Variants in STT3B observed in about 807,000 individuals in gnomAD.
STT3B encodes the protein STT3 oligosaccharyltransferase complex catalytic subunit B.
A neutral mutation model predicts 96.8 loss-of-function variants in STT3B; 29 were observed. The ratio of observed to expected loss-of-function variants is 0.30; its 90% confidence interval spans 0.22 to 0.41. The LOEUF is 0.41. Among genes scored for constraint, STT3B ranks in the 10% least tolerant of loss-of-function variants. The pLI is 1.00. For synonymous variants in STT3B, 367 were observed against 360.0 expected (o/e 1.02, Z -0.22); for missense variants, 640 against 1,022.3 (o/e 0.63, Z 5.10).
intron 2 of STT3B, 55 bp from the exon 3 acceptor site, chr3:31,579,754 A>G: frequency 7.3e-7 from 1 of 1,373,722 alleles, no homozygotes; most frequent in Non-Finnish European, 1.0e-6. Flanking sequence ...ACATACATTA[A>G]TATTTTTGTG....
At chr3:31,578,513 T>C (rs1698306473) in intron 2 of STT3B, among the ~76,000 whole-genome samples, 1 of 152,122 alleles carries the variant, frequency 6.6e-6, no homozygotes, top group South Asian at 2.1e-4. Context: ...TACCGTATTA[T>C]ATGGATATAT....
Position 31,636,207 on chromosome 3 carries a change from T to C in STT3B, c.*143T>C, listed in dbSNP as rs1359153905. The C allele has an allele frequency of 1.2e-4, 64 of 531,584 alleles. No individual in the cohort carries two copies. In the East Asian group the frequency reaches 2.1e-3, roughly 17 times the overall value. The allele number at this position is 531,584 out of a possible 1,614,324, so 32.9% of individuals were successfully genotyped here. A position where few individuals can be genotyped will look rare whatever the true frequency, so the allele number is the denominator to read the frequency against. On this transcript the variant is annotated 3_prime_UTR_variant, in exon 16 of 16. Coordinates refer to ENST00000295770, the MANE Select transcript of STT3B (RefSeq NM_178862.3). The stretch of plus-strand genomic sequence containing the variant: ...ATGTACAAAATTTTCTGGCAATGCC[T>C]GATTAAAAAAATAAAATTGGCTTGT...
intron 1 of STT3B, among the ~76,000 whole-genome samples, chr3:31,547,156 C>T (rs1197574559): frequency 6.6e-6 from 1 of 152,118 alleles, no homozygotes; most frequent in Non-Finnish European, 1.5e-5. Context: ...ACAGAGTAGG[C>T]AGTAAGTTCA....
chr3:31,599,963 A>T (rs1470479467), intron 4 of STT3B, among the ~76,000 whole-genome samples: 1 of 152,148 alleles, frequency 6.6e-6, no homozygotes, highest in African/African-American at 2.4e-5. Context: ...GACCTTTCTT[A>T]CAACAAATTT....
At chr3:31,582,976 A>C (rs1698444857) in intron 3 of STT3B, among the ~76,000 whole-genome samples, 1 of 152,198 alleles carries the variant, frequency 6.6e-6, no homozygotes, top group South Asian at 2.1e-4. Flanking sequence ...TCTGTCCTGG[A>C]AAATGTCCCA....
At position 31,633,498 on chromosome 3, in the gene STT3B, T is replaced by C. The variant is rs115024251; in HGVS notation, c.2400+351T>C. Among the ~76,000 whole-genome samples the C allele has an allele frequency of 1.2e-3, 187 of 152,320 alleles. 2 individuals carry two copies. Among genetic ancestry groups the C allele is most frequent in the Middle Eastern group, 6.8e-3 (2 of 294 alleles). Reference sequence around the variant, plus strand: ...TCTTTTGAGCAGAGCAAATTTATATTGCATCTTCATGTTCCATTCTTAGTA... The same window carrying C: ...TCTTTTGAGCAGAGCAAATTTATATCGCATCTTCATGTTCCATTCTTAGTA... On this transcript the variant is annotated intron_variant, in intron 15 of 15. Coordinates refer to ENST00000295770, the MANE Select transcript of STT3B (RefSeq NM_178862.3).
In STT3B at chr3:31,581,972, T is replaced by C. The variant is rs560161916; in HGVS notation, c.711+1876T>C. Reference sequence around the variant, plus strand: ...CTTTGTTGATGTAAGCTATTCAATTTGTTGGCATACAAGACTTGATAATAC... The same window carrying C: ...CTTTGTTGATGTAAGCTATTCAATTCGTTGGCATACAAGACTTGATAATAC... On this transcript the variant is annotated intron_variant, in intron 3 of 15. Coordinates refer to ENST00000295770, the MANE Select transcript of STT3B (RefSeq NM_178862.3). 2.1e-3 allele frequency among the ~76,000 whole-genome samples: 314 copies of C among 152,342 alleles called. 1 individual carries two copies. The highest frequency in any genetic ancestry group is 6.9e-3 in the African/African-American group (285 of 41,600).
intron 4 of STT3B, among the ~76,000 whole-genome samples, chr3:31,599,333 G>GT (rs1169714051): frequency 6.6e-6 from 1 of 152,156 alleles, no homozygotes; most frequent in Non-Finnish European, 1.5e-5. Flanking sequence ...ATTCTGGGTA[G>GT]TTGTACTTAG....
chr3:31,616,786 G>T, intron 6 of STT3B, 143 bp from the exon 7 acceptor site: 2 of 663,486 alleles, frequency 3.0e-6, no homozygotes, highest in Non-Finnish European at 4.7e-6. Flanking sequence ...ACTGTCATTT[G>T]ACAAAGGAAA....
chr3:31,556,671 G>GT (rs1697719166), intron 1 of STT3B, among the ~76,000 whole-genome samples: 1 of 152,066 alleles, frequency 6.6e-6, no homozygotes, highest in Non-Finnish European at 1.5e-5. Context: ...TTTTTCATAT[G>GT]CTTCTTGGCC....
chr3:31,616,351 G>A (rs572639801), intron 6 of STT3B, among the ~76,000 whole-genome samples: 33 of 151,662 alleles, frequency 2.2e-4, no homozygotes, highest in Non-Finnish European at 3.5e-4. Context: ...CCTCAGGGGA[G>A]AACAAACAGA....
rs866913786 is a variant in STT3B at position 31,535,340 on chromosome 3, T to A, written c.314+2028T>A. Among the ~76,000 whole-genome samples, 688 of 151,106 alleles carry A rather than the reference T, an allele frequency of 4.6e-3. 8 individuals are homozygous for A. The highest frequency in any genetic ancestry group is 0.015 in the African/African-American group (613 of 41,300). On this transcript the variant is annotated intron_variant, in intron 1 of 15. Coordinates refer to ENST00000295770, the MANE Select transcript of STT3B (RefSeq NM_178862.3). ...TTTTTATTTTTTATTTTTATTATTT[T>A]TTTTTTTTTAGTGTAGCTAAGTATT...
chr3:31,624,844 C>T, intron 11 of STT3B, 70 bp from the exon 12 acceptor site: 1 of 1,263,336 alleles, frequency 7.9e-7, no homozygotes, highest in Non-Finnish European at 1.1e-6. Flanking sequence ...GGTTTAATAC[C>T]TCAAGATTTT....
Position 31,624,982 on chromosome 3 carries a change from C to T in STT3B, c.1796C>T (p.Ala599Val), listed in dbSNP as rs769216142. 3 of 1,613,388 alleles carry T rather than the reference C, an allele frequency of 1.9e-6. No homozygotes were observed. Among genetic ancestry groups the T allele is most frequent in the Admixed American group, 3.3e-5 (2 of 59,960 alleles). Residue 599 changes from alanine (A) to valine (V), a missense_variant, in exon 12 of 16, where the codon GCA becomes GTA. Coordinates refer to ENST00000295770, the MANE Select transcript of STT3B (RefSeq NM_178862.3). ...CTAAGGCAAAATACAGATGAACATG[C>T]ACGAGTAATGTCTTGGTGGGATTAT... ...FWLRQNTDEH[A>V]RVMSWWDYGY... is the part of the protein sequence containing the mutation.
chr3:31,584,248 G>T (rs1698485936), intron 3 of STT3B, among the ~76,000 whole-genome samples: 1 of 152,060 alleles, frequency 6.6e-6, no homozygotes, highest in Non-Finnish European at 1.5e-5. Flanking sequence ...TTTATTTCTG[G>T]ACTCTCAATT....
In STT3B at chr3:31,626,069, T is replaced by C; in HGVS notation, c.2015T>C (p.Ile672Thr). 6.2e-7 allele frequency: 1 copy of C among 1,613,874 alleles called. No homozygotes were observed. Among genetic ancestry groups the C allele is most frequent in the Non-Finnish European group, 8.5e-7 (1 of 1,179,874 alleles). ...GTTATTGGCTATTCTGGTGATGATA[T>C]CAACAAATTTCTCTGGATGGTTAGG... Reference protein sequence around the residue: ...GGVIGYSGDDINKFLWMVRIA... With the variant: ...GGVIGYSGDDTNKFLWMVRIA... The change falls in exon 13 of 16, where the codon ATC (isoleucine) becomes ACC (threonine). Residue 672 changes from isoleucine to threonine, a missense_variant. Transcript: ENST00000295770.
In STT3B at chr3:31,543,468, G is replaced by C. The variant is rs138005782; in HGVS notation, c.314+10156G>C. On this transcript the variant is annotated intron_variant, in intron 1 of 15. Transcript: ENST00000295770. ...TATCCTACACAGTATTAGGAACATA[G>C]TGAGTGCACAGTGAATATTAAGACA... is the stretch of plus-strand genomic sequence containing the variant. 1.9e-4 allele frequency among the ~76,000 whole-genome samples: 29 copies of C among 152,280 alleles called. No individual in the cohort carries two copies. In the East Asian group the frequency reaches 2.5e-3, roughly 13 times the overall value.
chr3:31,540,065 C>T (rs1697225909), intron 1 of STT3B, among the ~76,000 whole-genome samples: 2 of 152,084 alleles, frequency 1.3e-5, no homozygotes, highest in African/African-American at 4.8e-5. Context: ...TTCTTTGCAC[C>T]TATGTTTGCT....
At chr3:31,539,626 G>A (rs966663162) in intron 1 of STT3B, among the ~76,000 whole-genome samples, 2 of 151,976 alleles carry the variant, frequency 1.3e-5, no homozygotes, top group African/African-American at 2.4e-5. Context: ...TTCACAATCC[G>A]GGCTGTAGCT....
Sources: gnomAD v4.1 joint callset for allele counts (sites outside exome capture counted in the v4.1 genomes callset) on GRCh38, gnomAD v4.1.1 for gene constraint, MANE v1.5 for transcripts, NCBI Gene and HGNC (gene_info 2026-07-23, HGNC 2026-07-21) for gene names.